The following SNX29 variants were observed in gnomAD, a reference collection of about 807,000 sequenced individuals.
SNX29 encodes sorting nexin-29.
Under a neutral mutation model 102.1 loss-of-function variants are expected in SNX29, and 78 were observed. That is an observed-to-expected ratio of 0.76 (90% CI 0.64 to 0.92). The LOEUF (loss-of-function observed/expected upper bound fraction) is 0.92, where lower values mean the gene tolerates loss of function less well. Ranked by LOEUF, SNX29 falls within the 40% of genes least tolerant of loss-of-function variation. The pLI is 0.00. For synonymous variants in SNX29, 580 were observed against 414.5 expected (o/e 1.40, Z -4.85); for missense variants, 1,280 against 1,061.7 (o/e 1.21, Z -2.86).
intron 20 of SNX29, among the ~76,000 whole-genome samples, chr16:12,564,836 G>A (rs1010221010): frequency 1.4e-5 from 2 of 144,868 alleles, no homozygotes; most frequent in African/African-American, 2.5e-5. Flanking sequence ...CAACGCTGAA[G>A]TCGGCAGCTA....
At chr16:12,314,457 T>C (rs1243181181) in intron 15 of SNX29, among the ~76,000 whole-genome samples, 21 of 152,246 alleles carry the variant, frequency 1.4e-4, no homozygotes, top group Admixed American at 1.4e-3. Flanking sequence ...TTCCTAGCCG[T>C]GTGGCCTCAG....
chr16:12,063,104 G>A (rs1319860416), intron 9 of SNX29, among the ~76,000 whole-genome samples: 2 of 152,298 alleles, frequency 1.3e-5, no homozygotes, highest in South Asian at 2.1e-4. Context: ...CTTGAGCACA[G>A]TCCTGTGAGA....
intron 18 of SNX29, among the ~76,000 whole-genome samples, chr16:12,453,966 T>C (rs1428253978): frequency 6.6e-6 from 1 of 152,148 alleles, no homozygotes; most frequent in African/African-American, 2.4e-5. Context: ...TTGTTGTTGT[T>C]TTTTTCCTTA....
rs983559569 is a variant in SNX29, at chr16:12,208,655, G to A, written c.1678+8972G>A. On this transcript the variant is annotated intron_variant, in intron 14 of 20. Transcript: ENST00000566228. Reference sequence around the variant, plus strand: ...CCACTGCACTGTAGTCTGGATGACGGAGCAAGAGGTCGTCTCTGCAAACAG... The same window carrying A: ...CCACTGCACTGTAGTCTGGATGACGAAGCAAGAGGTCGTCTCTGCAAACAG... Among the ~76,000 whole-genome samples the A allele has an allele frequency of 2.8e-4, 43 of 152,028 alleles. 1 individual carries two copies. The highest frequency in any genetic ancestry group is 2.6e-3 in the Admixed American group (39 of 15,252).
intron 20 of SNX29, among the ~76,000 whole-genome samples, chr16:12,554,600 AGAG>A (rs756746979): frequency 2.6e-5 from 4 of 152,180 alleles, no homozygotes; most frequent in Non-Finnish European, 4.4e-5. Context: ...CTCCCAAGCC[AGAG>A]GAGCTCACTC....
chr16:12,081,705 A>AGAAAAGAAAAGAAAG (rs1192836030), intron 11 of SNX29: 1 of 151,908 alleles, frequency 6.6e-6, no homozygotes, highest in African/African-American at 2.4e-5. Context: ...AGAAAAGAAA[A>AGAAAAGAAAAGAAAG]GAAAAGAAAA....
chr16:12,485,013 C>G (rs1238443762), intron 19 of SNX29, among the ~76,000 whole-genome samples: 1 of 152,214 alleles, frequency 6.6e-6, no homozygotes, highest in East Asian at 1.9e-4. Context: ...AACAAACAAA[C>G]AGAAATTCAG....
intron 11 of SNX29, among the ~76,000 whole-genome samples, chr16:12,113,982 G>C (rs1434681210): frequency 1.3e-5 from 2 of 152,224 alleles, no homozygotes; most frequent in Non-Finnish European, 2.9e-5. Flanking sequence ...CCCAAAGTGG[G>C]TTTGAAATGC....
chr16:12,417,626 C>T (rs2084694171), intron 18 of SNX29, among the ~76,000 whole-genome samples: 1 of 151,712 alleles, frequency 6.6e-6, no homozygotes, highest in Non-Finnish European at 1.5e-5. Flanking sequence ...TTCCCTGTTC[C>T]TTGTCATTCC....
At chr16:12,075,301 A>G (rs1240822392) in intron 10 of SNX29, among the ~76,000 whole-genome samples, 2 of 151,854 alleles carry the variant, frequency 1.3e-5, no homozygotes, top group South Asian at 2.1e-4. Context: ...GGTTTCATCT[A>G]CTTTTGGTCT....
chr16:12,552,441 G>A (rs2078039733), intron 20 of SNX29, among the ~76,000 whole-genome samples: 1 of 152,204 alleles, frequency 6.6e-6, no homozygotes, highest in Non-Finnish European at 1.5e-5. Flanking sequence ...TCGAGAGCTG[G>A]AGTGAAATAC....
intron 20 of SNX29, among the ~76,000 whole-genome samples, chr16:12,565,664 C>G (rs530043458): frequency 2.0e-5 from 3 of 152,340 alleles, no homozygotes; most frequent in African/African-American, 7.2e-5. Context: ...CAGCTCAGTG[C>G]ACGTCCCGAG....
chr16:12,223,329 C>T (rs563184540), intron 14 of SNX29, among the ~76,000 whole-genome samples: 7 of 152,228 alleles, frequency 4.6e-5, no homozygotes, highest in Admixed American at 4.6e-4. Flanking sequence ...AGTTTGAGAC[C>T]ATCGTGGCCA....
At chr16:11,999,457 A>G in intron 2 of SNX29, 99 bp downstream of exon 2, 2 of 1,141,924 alleles carry the variant, frequency 1.8e-6, no homozygotes, top group South Asian at 2.8e-5. Context: ...ACTAACTCCC[A>G]CTTTATACCT....
At chr16:12,282,083 CAAAAAAA>C (rs758827865) in intron 15 of SNX29, among the ~76,000 whole-genome samples, 2 of 62,074 alleles carry the variant, frequency 3.2e-5, no homozygotes, top group Admixed American at 2.3e-4. Context: ...GACTCCATCT[CAAAAAAA>C]AAAAAAAAAA....
At chr16:12,001,482 T>C (rs1041222731) in intron 2 of SNX29, among the ~76,000 whole-genome samples, 5 of 152,164 alleles carry the variant, frequency 3.3e-5, no homozygotes, top group Admixed American at 1.3e-4. Flanking sequence ...TGACTTTTTT[T>C]GCATGACTTT....
intron 13 of SNX29, among the ~76,000 whole-genome samples, chr16:12,162,759 C>T (rs146995573): frequency 1.1e-3 from 162 of 152,298 alleles, no homozygotes; most frequent in African/African-American, 1.9e-3. Context: ...GTAGGAGGTG[C>T]GTAGTAACTG....
rs1414016556 is a variant in SNX29 at position 12,570,277 on chromosome 16, GCAGT to G, written c.*1653_*1656del. ...GAGCATGTATGGAGGTGCGGACCCT[GCAGT>G]CAGTTTGCGAGTGTGGAGGACCCGA... On this transcript the variant is annotated 3_prime_UTR_variant, in exon 21 of 21. Transcript: ENST00000566228. 2 of 1,064,432 alleles carry G rather than the reference GCAGT, an allele frequency of 1.9e-6. No homozygotes were observed. Among genetic ancestry groups the G allele is most frequent in the East Asian group, 5.0e-5 (1 of 20,068 alleles). 65.9% of individuals were successfully genotyped at this position (1,064,432 alleles called of 1,614,324 possible). A position where few individuals can be genotyped will look rare whatever the true frequency, so the allele number is the denominator to read the frequency against.
At chr16:12,478,898 C>T (rs918332409) in intron 19 of SNX29, among the ~76,000 whole-genome samples, 2 of 152,140 alleles carry the variant, frequency 1.3e-5, no homozygotes, top group Non-Finnish European at 1.5e-5. Context: ...GGCTTAGAGT[C>T]AAGAAGGAGA....
Sources: gnomAD v4.1 joint callset for allele counts (sites outside exome capture counted in the v4.1 genomes callset) on GRCh38, gnomAD v4.1.1 for gene constraint, MANE v1.5 for transcripts, NCBI Gene and HGNC (gene_info 2026-07-23, HGNC 2026-07-21) for gene names.